Variants in GOT1 observed in about 807,000 individuals in gnomAD.
GOT1 encodes aspartate aminotransferase, cytoplasmic.
A neutral mutation model predicts 48.2 loss-of-function variants in GOT1; 25 were observed. The observed-to-expected ratio is 0.52, with a 90% CI of 0.38 to 0.72. The LOEUF is 0.72. Ranked by LOEUF, GOT1 falls within the 30% of genes least tolerant of loss-of-function variation. The pLI is 0.00. For missense variants in GOT1, 380 were observed against 520.1 expected (o/e 0.73, Z 2.62); for synonymous variants, 188 against 193.8 (o/e 0.97, Z 0.25).
chr10:99,423,131 G>C (rs1224742499), intron 1 of GOT1, among the ~76,000 whole-genome samples: 1 of 152,180 alleles, frequency 6.6e-6, no homozygotes, highest in African/African-American at 2.4e-5. Flanking sequence ...AAGAGCGTTT[G>C]CTTCCACACA....
intron 2 of GOT1, among the ~76,000 whole-genome samples, chr10:99,414,812 A>G (rs1315317893): frequency 2.0e-5 from 3 of 151,212 alleles, no homozygotes; most frequent in East Asian, 1.9e-4. Context: ...CAACTACATG[A>G]AAACTGAACA....
At chr10:99,423,083 A>G (rs1240359788) in intron 1 of GOT1, among the ~76,000 whole-genome samples, 2 of 152,248 alleles carry the variant, frequency 1.3e-5, no homozygotes, top group African/African-American at 2.4e-5. Context: ...CAATTGATAC[A>G]GGAATTATAT....
In GOT1 at chr10:99,430,465, A is replaced by C; in HGVS notation, c.101T>G (p.Val34Gly). The change falls in exon 1 of 9, where the codon GTC becomes GGC. Residue 34 changes from valine (V) to glycine (G), a missense_variant. Coordinates refer to ENST00000370508, the MANE Select transcript of GOT1 (RefSeq NM_002079.3). Reference sequence around the variant, plus strand: ...ATCCTTACCTCCCACTCCCAGGTTGACCTTGCGGGGGTCCGGATCCTCCCT... The same window carrying C: ...ATCCTTACCTCCCACTCCCAGGTTGCCCTTGCGGGGGTCCGGATCCTCCCT... ...DFREDPDPRK[V>G]NLGVGAYRTD... The C allele has an allele frequency of 6.2e-7, 1 of 1,609,972 alleles. No homozygotes were observed. Among genetic ancestry groups the C allele is most frequent in the African/African-American group, 1.3e-5 (1 of 74,930 alleles).
intron 2 of GOT1, among the ~76,000 whole-genome samples, chr10:99,414,924 T>A (rs562044921): frequency 1.3e-5 from 2 of 149,690 alleles, no homozygotes; most frequent in African/African-American, 4.9e-5. Flanking sequence ...CCAGAATCTC[T>A]GGGACACATT....
intron 2 of GOT1, among the ~76,000 whole-genome samples, chr10:99,415,376 C>T (rs1443359683): frequency 1.3e-5 from 2 of 152,164 alleles, no homozygotes; most frequent in Non-Finnish European, 2.9e-5. Context: ...CATACACCCT[C>T]CCAAGACTAA....
At chr10:99,427,879 C>T (rs896555674) in intron 1 of GOT1, among the ~76,000 whole-genome samples, 1 of 152,192 alleles carries the variant, frequency 6.6e-6, no homozygotes, top group African/African-American at 2.4e-5. Flanking sequence ...GGCTTCCTTG[C>T]CTCTAAACAG....
At position 99,406,209 on chromosome 10, in the gene GOT1, G is replaced by A. The variant is rs2032753031; in HGVS notation, c.465C>T (p.Asp155=). Residue 155 remains aspartate (D), a synonymous_variant, in exon 4 of 9, where the codon GAC becomes GAT. Transcript: ENST00000370508. ...CATCCCAGTAGCGATAGGACCGAATGTCTTTAAAACCAGCAGCGGAAAACA... is the reference window on the plus strand; with the variant it reads ...CATCCCAGTAGCGATAGGACCGAATATCTTTAAAACCAGCAGCGGAAAACA... The part of the protein sequence containing the change: ...NAVFSAAGFK[D]IRSYRYWDAE... 3.1e-6 allele frequency: 5 copies of A among 1,613,964 alleles called. No homozygotes were observed. Among genetic ancestry groups the A allele is most frequent in the Non-Finnish European group, 4.2e-6 (5 of 1,179,840 alleles).
chr10:99,426,638 T>C (rs1457159887), intron 1 of GOT1, among the ~76,000 whole-genome samples: 1 of 152,210 alleles, frequency 6.6e-6, no homozygotes, highest in Non-Finnish European at 1.5e-5. Flanking sequence ...CCATTTCCCA[T>C]GTCCTTAAAA....
At chr10:99,414,766 T>G (rs1475227905) in intron 2 of GOT1, among the ~76,000 whole-genome samples, 1 of 151,486 alleles carries the variant, frequency 6.6e-6, no homozygotes, top group Non-Finnish European at 1.5e-5. Flanking sequence ...GCAATCAAAC[T>G]AGAACTCAGG....
At chr10:99,418,052 A>G (rs548739669) in intron 2 of GOT1, among the ~76,000 whole-genome samples, 1 of 39,806 alleles carries the variant, frequency 2.5e-5, no homozygotes, top group East Asian at 7.8e-4. Context: ...AAGTATAATT[A>G]AAAAAAAAAA....
At chr10:99,417,834 T>A (rs1371341195) in intron 2 of GOT1, among the ~76,000 whole-genome samples, 1 of 151,994 alleles carries the variant, frequency 6.6e-6, no homozygotes, top group Non-Finnish European at 1.5e-5. Flanking sequence ...TTCTCACTCA[T>A]AGGTGGGAAT....
At chr10:99,412,613 C>T (rs190228384) in intron 2 of GOT1, among the ~76,000 whole-genome samples, 38 of 152,014 alleles carry the variant, frequency 2.5e-4, no homozygotes, top group East Asian at 1.8e-3. Context: ...TCTCTCAGCA[C>T]GGAGTTTCAG....
At chr10:99,410,275 T>C (rs2032813526) in intron 2 of GOT1, among the ~76,000 whole-genome samples, 1 of 152,238 alleles carries the variant, frequency 6.6e-6, no homozygotes, top group African/African-American at 2.4e-5. Context: ...GTTTCATACA[T>C]GACTTCACAT....
At chr10:99,399,828 G>A (rs981165714) in intron 8 of GOT1, among the ~76,000 whole-genome samples, 1 of 152,152 alleles carries the variant, frequency 6.6e-6, no homozygotes, top group African/African-American at 2.4e-5. Context: ...CCTCTTGTCA[G>A]CTGATTTCCA....
At chr10:99,419,153 A>C (rs928111976) in intron 2 of GOT1, among the ~76,000 whole-genome samples, 4 of 152,202 alleles carry the variant, frequency 2.6e-5, no homozygotes, top group Non-Finnish European at 5.9e-5. Flanking sequence ...CCTACTGTAC[A>C]CAGCATGTGG....
chr10:99,413,838 C>T (rs1257912656), intron 2 of GOT1, among the ~76,000 whole-genome samples: 2 of 152,106 alleles, frequency 1.3e-5, no homozygotes, highest in East Asian at 3.9e-4. Flanking sequence ...TCCAGCCAAA[C>T]TAAGCTTCAT....
At chr10:99,402,117 T>C (rs935137259) in intron 8 of GOT1, among the ~76,000 whole-genome samples, 1 of 152,056 alleles carries the variant, frequency 6.6e-6, no homozygotes, top group East Asian at 1.9e-4. Context: ...CCAATCTAGG[T>C]TCTTGTTTAT....
Position 99,420,610 on chromosome 10 carries a change from T to C in GOT1, c.300+14A>G. The stretch of plus-strand genomic sequence containing the variant: ...AGTTTCTAAAGAGAAAATACATCCT[T>C]ACCCAAAACTTACCCGCTTCTCCTT... On this transcript the variant is annotated intron_variant, in intron 2 of 8. Transcript: ENST00000370508. The C allele has an allele frequency of 6.3e-7, 1 of 1,589,304 alleles. No individual in the cohort carries two copies. Among genetic ancestry groups the C allele is most frequent in the Non-Finnish European group, 8.6e-7 (1 of 1,165,182 alleles).
At chr10:99,398,826 C>G (rs2032632761) in intron 8 of GOT1, among the ~76,000 whole-genome samples, 1 of 152,196 alleles carries the variant, frequency 6.6e-6, no homozygotes, top group Non-Finnish European at 1.5e-5. Context: ...CTTAGTTCAT[C>G]CTGATAATAA....
Sources: gnomAD v4.1 joint callset for allele counts (sites outside exome capture counted in the v4.1 genomes callset) on GRCh38, gnomAD v4.1.1 for gene constraint, MANE v1.5 for transcripts, NCBI Gene and HGNC (gene_info 2026-07-23, HGNC 2026-07-21) for gene names.